The following TNNI3K variants were observed in gnomAD, a reference collection of about 807,000 sequenced individuals.
The protein encoded by TNNI3K is TNNI3 interacting kinase, also known as serine/threonine-protein kinase TNNI3K.
A neutral mutation model predicts 114.5 loss-of-function variants in TNNI3K; 140 were observed. The observed-to-expected ratio is 1.22, with a 90% CI of 1.07 to 1.41. TNNI3K has a LOEUF of 1.41. Among genes scored for constraint, TNNI3K ranks in the 40% most tolerant of loss-of-function variants. The pLI is 0.00. For missense variants in TNNI3K, 1,125 were observed against 1,007.6 expected, an observed-to-expected ratio of 1.12 and a Z score of -1.58; for synonymous variants, 347 against 347.5, an observed-to-expected ratio of 1.00 and a Z score of 0.02.
intron 5 of TNNI3K, among the ~76,000 whole-genome samples, chr1:74,300,973 A>G (rs1382106401): frequency 6.6e-6 from 1 of 152,218 alleles, no homozygotes; most frequent in African/African-American, 2.4e-5. Context: ...ACGAGGTTCT[A>G]TCTCCTTAAT....
intron 17 of TNNI3K, among the ~76,000 whole-genome samples, chr1:74,392,831 T>A (rs1249501223): frequency 6.6e-6 from 1 of 152,236 alleles, no homozygotes; most frequent in Non-Finnish European, 1.5e-5. Context: ...ATGTTTAATT[T>A]GAGGTTTTAA....
In TNNI3K at chr1:74,436,117, G is replaced by C; in HGVS notation, c.1810G>C (p.Val604Leu). ...ILLYEDGHAVVADFGESRFLQ... is the reference protein window; with the variant it reads ...ILLYEDGHAVLADFGESRFLQ... ...TCTCTATGAGGATGGGCATGCTGTG[G>C]TGGCAGATTTTGGAGGTGAGATACC... Residue 604 changes from valine (V) to leucine (L), a missense_variant, in exon 18 of 25, where the codon GTG becomes CTG. Val to Leu is a conservative substitution (Grantham distance 32). Transcript: ENST00000326637. 6.2e-7 allele frequency: 1 copy of C among 1,608,064 alleles called. No individual in the cohort carries two copies. Among genetic ancestry groups the C allele is most frequent in the Non-Finnish European group, 8.5e-7 (1 of 1,178,150 alleles).
In TNNI3K at chr1:74,481,084, A is replaced by T. The variant is rs183202018; in HGVS notation, c.2122-8105A>T. ...GCAATCTTATCACCTGGGTAAAAACAATAAACAATACAAAAAATGAAAATG... is the reference window on the plus strand; with the variant it reads ...GCAATCTTATCACCTGGGTAAAAACTATAAACAATACAAAAAATGAAAATG... On this transcript the variant is annotated intron_variant, in intron 21 of 24. Coordinates refer to ENST00000326637, the MANE Select transcript of TNNI3K (RefSeq NM_015978.3). 8.7e-5 allele frequency: 51 copies of T among 586,992 alleles called. No homozygotes were observed. The African/African-American group carries it at 8.7e-4, about 10-fold the overall frequency. 36.4% of individuals were successfully genotyped at this position (586,992 alleles called of 1,614,324 possible).
chr1:74,391,840 A>G (rs1663787976), intron 17 of TNNI3K, among the ~76,000 whole-genome samples: 1 of 151,992 alleles, frequency 6.6e-6, no homozygotes, highest in Admixed American at 6.6e-5. Context: ...ATGGGAGCTG[A>G]GAGGGGAGCA....
intron 24 of TNNI3K, 137 bp downstream of exon 24, chr1:74,540,450 T>C (rs1176377286): frequency 1.2e-6 from 1 of 831,298 alleles, no homozygotes; most frequent in East Asian, 2.8e-5. Context: ...AAGTATAAAA[T>C]TTGATTTTAT....
intron 5 of TNNI3K, among the ~76,000 whole-genome samples, chr1:74,327,483 A>G (rs1419427014): frequency 6.8e-6 from 1 of 147,068 alleles, no homozygotes; most frequent in African/African-American, 2.5e-5. Flanking sequence ...TTATTCTTAT[A>G]TATGTATTTC....
intron 20 of TNNI3K, among the ~76,000 whole-genome samples, chr1:74,457,532 C>T (rs1310258679): frequency 2.0e-5 from 3 of 152,072 alleles, no homozygotes; most frequent in Admixed American, 1.3e-4. Context: ...TTTGTCTCAC[C>T]GCAGCCCTGC....
In TNNI3K at chr1:74,486,493, T is replaced by C. The variant is rs186904800; in HGVS notation, c.2122-2696T>C. ...AACATCATCACTTTTTTTGTGTGTG[T>C]TTTTTGTTTTTTGCTTTTTTTTTTT... On this transcript the variant is annotated intron_variant, in intron 21 of 24. Transcript: ENST00000326637. Among the ~76,000 whole-genome samples the C allele has an allele frequency of 2.6e-4, 31 of 121,482 alleles. No individual in the cohort carries two copies. The Admixed American group carries it at 2.8e-3, about 11-fold the overall frequency. 79.7% of individuals were successfully genotyped at this position (121,482 alleles called of 152,430 possible). A position where few individuals can be genotyped will look rare whatever the true frequency, so the allele number is the denominator to read the frequency against.
At chr1:74,391,673 G>C (rs980286018) in intron 17 of TNNI3K, among the ~76,000 whole-genome samples, 3 of 152,160 alleles carry the variant, frequency 2.0e-5, no homozygotes, top group African/African-American at 7.2e-5. Context: ...GAGAGTTTCA[G>C]CAAATGGATG....
intron 17 of TNNI3K, among the ~76,000 whole-genome samples, chr1:74,390,367 A>AGGTACCTCTATT (rs1468965763): frequency 6.6e-6 from 1 of 152,158 alleles, no homozygotes; most frequent in African/African-American, 2.4e-5. Context: ...CTCTGCTTTG[A>AGGTACCTCTATT]TTGTGTAACA....
At chr1:74,356,300 C>T (rs915967399) in intron 11 of TNNI3K, among the ~76,000 whole-genome samples, 3 of 152,062 alleles carry the variant, frequency 2.0e-5, no homozygotes, top group Admixed American at 2.0e-4. Flanking sequence ...GGATAATTTT[C>T]AATTTGGGGC....
chr1:74,505,757 G>A lies in TNNI3K; in HGVS notation c.2351+13491G>A, dbSNP rs1042967688. Among the ~76,000 whole-genome samples, 6 of 152,072 alleles carry A rather than the reference G, an allele frequency of 3.9e-5. 1 individual carries two copies. The East Asian group carries it at 1.2e-3, about 29-fold the overall frequency. On this transcript the variant is annotated intron_variant, in intron 23 of 24. Transcript: ENST00000326637. ...AGTTTTTCTTGATATTTAGTTAATG[G>A]CAACTAACGAAATCTGAAAAAATAC...
At chr1:74,391,681 A>T (rs1663779143) in intron 17 of TNNI3K, among the ~76,000 whole-genome samples, 1 of 152,202 alleles carries the variant, frequency 6.6e-6, no homozygotes, top group African/African-American at 2.4e-5. Flanking sequence ...CAGCAAATGG[A>T]TGTCTTTTAA....
chr1:74,434,883 G>C (rs908079427), intron 17 of TNNI3K, among the ~76,000 whole-genome samples: 1 of 152,008 alleles, frequency 6.6e-6, no homozygotes, highest in African/African-American at 2.4e-5. Context: ...TTTTATAAAT[G>C]TCAAGTCAAG....
At chr1:74,543,247 G>A (rs1260254690) in intron 24 of TNNI3K, among the ~76,000 whole-genome samples, 2 of 151,202 alleles carry the variant, frequency 1.3e-5, no homozygotes, top group Admixed American at 6.6e-5. Flanking sequence ...GCTATTTTTT[G>A]TATTTTAGTA....
chr1:74,406,157 G>C (rs1457720020), intron 17 of TNNI3K, among the ~76,000 whole-genome samples: 3 of 152,198 alleles, frequency 2.0e-5, no homozygotes, highest in Admixed American at 1.3e-4. Flanking sequence ...TTGTAGGACT[G>C]AAGTCCCTGT....
chr1:74,316,766 T>C (rs1043926112), intron 5 of TNNI3K, among the ~76,000 whole-genome samples: 144 of 152,146 alleles, frequency 9.5e-4, no homozygotes, highest in African/African-American at 3.3e-3. Flanking sequence ...CTTGGCTCAC[T>C]GCAAGCTCCA....
At chr1:74,310,117 G>C (rs1195229383) in intron 5 of TNNI3K, among the ~76,000 whole-genome samples, 1 of 152,028 alleles carries the variant, frequency 6.6e-6, no homozygotes. Flanking sequence ...AAAGTTTCAG[G>C]ATACAAAACT....
chr1:74,538,407 A>G (rs561874406), intron 23 of TNNI3K, among the ~76,000 whole-genome samples: 7 of 152,268 alleles, frequency 4.6e-5, no homozygotes, highest in East Asian at 1.9e-4. Context: ...TAAATGCTCC[A>G]AAAACTCTTT....
Sources: gnomAD v4.1 joint callset for allele counts (sites outside exome capture counted in the v4.1 genomes callset) on GRCh38, gnomAD v4.1.1 for gene constraint, MANE v1.5 for transcripts, NCBI Gene and HGNC (gene_info 2026-07-23, HGNC 2026-07-21) for gene names.